The following NTN4 variants were observed in gnomAD, a reference collection of about 807,000 sequenced individuals.
The protein encoded by NTN4 is netrin-4.
A neutral mutation model predicts 73.6 loss-of-function variants in NTN4; 32 were observed. The ratio of observed to expected loss-of-function variants is 0.44; its 90% CI spans 0.33 to 0.58. The LOEUF is 0.58. Among genes scored for constraint, NTN4 ranks in the 20% least tolerant of loss-of-function variants. NTN4 has a pLI of 0.04. For missense variants in NTN4, 654 were observed against 798.3 expected, an observed-to-expected ratio of 0.82 and a Z score of 2.18; for synonymous variants, 258 against 287.5, an observed-to-expected ratio of 0.90 and a Z score of 1.04.
At chr12:95,730,166 T>C (rs1470264411) in intron 3 of NTN4, among the ~76,000 whole-genome samples, 1 of 152,232 alleles carries the variant, frequency 6.6e-6, no homozygotes, top group Non-Finnish European at 1.5e-5. Context: ...AGATTCATTT[T>C]TGCACTTTTA....
In NTN4 at chr12:95,747,586, G is replaced by A. The variant is rs371305528; in HGVS notation, c.586-9442C>T. On this transcript the variant is annotated intron_variant, in intron 2 of 9. Coordinates refer to ENST00000343702, the MANE Select transcript of NTN4 (RefSeq NM_021229.4). The stretch of plus-strand genomic sequence containing the variant: ...CTCAAAGTTTTGGGATTACAGGCAC[G>A]AGCCACTGTGCTTGGACTATTTATA... Among the ~76,000 whole-genome samples, 5 of 152,114 alleles carry A rather than the reference G, an allele frequency of 3.3e-5. 1 individual carries two copies. The highest frequency in any genetic ancestry group is 1.2e-4 in the African/African-American group (5 of 41,410).
chr12:95,689,184 C>T (rs1268542557), intron 5 of NTN4, among the ~76,000 whole-genome samples: 1 of 152,158 alleles, frequency 6.6e-6, no homozygotes, highest in Non-Finnish European at 1.5e-5. Context: ...ACCTCATATT[C>T]ATTCATTTAT....
chr12:95,727,107 G>A (rs2078700646), intron 3 of NTN4, among the ~76,000 whole-genome samples: 1 of 151,884 alleles, frequency 6.6e-6, no homozygotes, highest in Non-Finnish European at 1.5e-5. Flanking sequence ...TTGTCTTTCT[G>A]ATCATAGCCA....
At chr12:95,764,872 G>A (rs1018276381) in intron 2 of NTN4, among the ~76,000 whole-genome samples, 11 of 152,120 alleles carry the variant, frequency 7.2e-5, no homozygotes, top group Non-Finnish European at 1.3e-4. Context: ...AGGACCTTAA[G>A]AGAGATTTTT....
intron 5 of NTN4, among the ~76,000 whole-genome samples, chr12:95,688,226 CAGT>C (rs549556019): frequency 9.9e-5 from 15 of 152,150 alleles, no homozygotes; most frequent in African/African-American, 3.6e-4. Flanking sequence ...ATGACTAAGA[CAGT>C]AGGTGTGGGA....
chr12:95,694,418 G>T lies in NTN4; in HGVS notation c.1181-10707C>A, dbSNP rs576603669. ...GCCAAGGCCCTACAGAATTTCTGAGGGGGATTTTTAATAGTGAAGTCATTC... is the reference window on the plus strand; with the variant it reads ...GCCAAGGCCCTACAGAATTTCTGAGTGGGATTTTTAATAGTGAAGTCATTC... On this transcript the variant is annotated intron_variant, in intron 5 of 9. Coordinates refer to ENST00000343702, the MANE Select transcript of NTN4 (RefSeq NM_021229.4). Among the ~76,000 whole-genome samples the T allele has an allele frequency of 1.6e-3, 247 of 152,016 alleles. 2 individuals are homozygous for T. The highest frequency in any genetic ancestry group is 5.6e-3 in the African/African-American group (230 of 41,340).
At chr12:95,726,726 G>T (rs1036822921) in intron 3 of NTN4, among the ~76,000 whole-genome samples, 2 of 152,188 alleles carry the variant, frequency 1.3e-5, no homozygotes, top group Admixed American at 1.3e-4. Flanking sequence ...ACTTTGGGAG[G>T]CCAAGATGGG....
At chr12:95,661,690 CCTTT>C (rs2078138892) in intron 9 of NTN4, among the ~76,000 whole-genome samples, 1 of 152,088 alleles carries the variant, frequency 6.6e-6, no homozygotes, top group Non-Finnish European at 1.5e-5. Context: ...ATCAATCAAG[CCTTT>C]CTTTAGAGAT....
Position 95,665,843 on chromosome 12 carries a change from C to G in NTN4, c.1717G>C (p.Asp573His). 1 of 1,613,870 alleles carries G rather than the reference C, an allele frequency of 6.2e-7. No individual in the cohort carries two copies. The highest frequency in any genetic ancestry group is 1.1e-5 in the South Asian group (1 of 91,042). Reference protein sequence around the residue: ...KRTLYPESWTDRGCTCPILNP... With the variant: ...KRTLYPESWTHRGCTCPILNP... Reference sequence around the variant, plus strand: ...AGGATTGGACAAGTGCATCCTCTGTCCGTCCATGATTCTGGATATAATGTT... The same window carrying G: ...AGGATTGGACAAGTGCATCCTCTGTGCGTCCATGATTCTGGATATAATGTT... The change falls in exon 9 of 10, where the codon GAC becomes CAC. Residue 573 changes from aspartate (D) to histidine (H), a missense_variant. By Grantham distance (81) the Asp-to-His change is moderately conservative. Coordinates refer to ENST00000343702, the MANE Select transcript of NTN4 (RefSeq NM_021229.4).
chr12:95,679,324 T>C (rs565095955), intron 7 of NTN4, among the ~76,000 whole-genome samples: 2 of 152,316 alleles, frequency 1.3e-5, no homozygotes, highest in South Asian at 4.1e-4. Context: ...TGAAACATGA[T>C]AGACAAGACA....
At chr12:95,770,988 A>AATTTTTTTTTTTTTTT (rs2079053316) in intron 2 of NTN4, among the ~76,000 whole-genome samples, 1 of 58,070 alleles carries the variant, frequency 1.7e-5, no homozygotes, top group African/African-American at 4.4e-5. Flanking sequence ...CAGGAAAAGA[A>AATTTTTTTTTTTTTTT]TTTGTTTTTT....
rs1359254835 is a variant in NTN4, at chr12:95,670,874, T to C, written c.1511-728A>G. On this transcript the variant is annotated intron_variant, in intron 7 of 9. Transcript: ENST00000343702. Reference sequence around the variant, plus strand: ...TATTTTCTCCCAATAGTTTAAATTATATATTGCCACTATTACATGTGAGAG... The same window carrying C: ...TATTTTCTCCCAATAGTTTAAATTACATATTGCCACTATTACATGTGAGAG... 1.3e-5 allele frequency: 2 copies of C among 152,174 alleles called. 1 individual carries two copies. Among genetic ancestry groups the C allele is most frequent in the Admixed American group, 1.3e-4 (2 of 15,280 alleles). 9.4% of individuals were successfully genotyped at this position (152,174 alleles called of 1,614,324 possible). A position where few individuals can be genotyped will look rare whatever the true frequency, so the allele number is the denominator to read the frequency against.
chr12:95,675,324 T>C (rs887372074), intron 7 of NTN4, among the ~76,000 whole-genome samples: 18 of 152,244 alleles, frequency 1.2e-4, no homozygotes, highest in Non-Finnish European at 2.2e-4. Context: ...TTCTTGATTC[T>C]TGAAGGGTCC....
Position 95,790,191 on chromosome 12 carries a change from G to T in NTN4, c.55+64C>A. 7.0e-7 allele frequency: 1 copy of T among 1,432,006 alleles called. No homozygotes were observed. Among genetic ancestry groups the T allele is most frequent in the Non-Finnish European group, 9.4e-7 (1 of 1,060,282 alleles). 88.7% of individuals were successfully genotyped at this position (1,432,006 alleles called of 1,614,324 possible). A position where few individuals can be genotyped will look rare whatever the true frequency, so the allele number is the denominator to read the frequency against. ...AGCCCTGGCTCCCCTGCACCCCCGA[G>T]TCCCGAGATGGGTTAGAGAAGCAGC... On this transcript the variant is annotated intron_variant, in intron 1 of 9. Coordinates refer to ENST00000343702, the MANE Select transcript of NTN4 (RefSeq NM_021229.4). This position sits in a 1 kb window ranked among gnomAD's most constrained non-coding sequence, Gnocchi z 6.5.
At chr12:95,740,641 C>T (rs991979362) in intron 2 of NTN4, among the ~76,000 whole-genome samples, 1 of 152,038 alleles carries the variant, frequency 6.6e-6, no homozygotes, top group Admixed American at 6.5e-5. Flanking sequence ...ATCGGTCATG[C>T]AAAATATTAA....
intron 3 of NTN4, among the ~76,000 whole-genome samples, chr12:95,719,121 T>C (rs1306950805): frequency 6.6e-6 from 1 of 152,134 alleles, no homozygotes; most frequent in Non-Finnish European, 1.5e-5. Flanking sequence ...CTACTAAAAA[T>C]TATAATGAAA....
chr12:95,765,281 G>T (rs902122587), intron 2 of NTN4, among the ~76,000 whole-genome samples: 2 of 152,144 alleles, frequency 1.3e-5, no homozygotes, highest in African/African-American at 4.8e-5. Flanking sequence ...ATTGTTCTTT[G>T]TACCTCTGAT....
intron 5 of NTN4, among the ~76,000 whole-genome samples, chr12:95,701,310 C>A (rs2078483361): frequency 6.6e-6 from 1 of 152,180 alleles, no homozygotes; most frequent in African/African-American, 2.4e-5. Context: ...TGTGCCTGAG[C>A]AACGAGTCAC....
chr12:95,713,354 A>G lies in NTN4; in HGVS notation c.865-16T>C. 2 of 1,572,880 alleles carry G rather than the reference A, an allele frequency of 1.3e-6. No individual in the cohort carries two copies. The highest frequency in any genetic ancestry group is 1.7e-6 in the Non-Finnish European group (2 of 1,150,370). ...TCCCATGGACCTACAAGCAACATCA[A>G]GTGAGAACTATGAGCACACATGTCG... is the stretch of plus-strand genomic sequence containing the variant. On this transcript the variant is annotated splice_polypyrimidine_tract_variant and intron_variant, in intron 3 of 9. Coordinates refer to ENST00000343702, the MANE Select transcript of NTN4 (RefSeq NM_021229.4).
Sources: gnomAD v4.1 joint callset for allele counts (sites outside exome capture counted in the v4.1 genomes callset) on GRCh38, gnomAD v4.1.1 for gene constraint, Gnocchi (gnomAD v3.1) non-coding constraint, MANE v1.5 for transcripts, NCBI Gene and HGNC (gene_info 2026-07-23, HGNC 2026-07-21) for gene names.